NREP: variants seen among roughly 807,000 people sequenced by gnomAD.
NREP encodes the protein neuronal regeneration related protein.
NREP carries 5 observed loss-of-function variants against 8.6 expected under a neutral mutation model. The observed-to-expected ratio is 0.58, with a 90% CI of 0.30 to 1.22. The LOEUF (loss-of-function observed/expected upper bound fraction) is 1.22, where lower values mean the gene tolerates loss of function less well. Ranked by LOEUF, NREP falls within the 50% of genes most tolerant of loss-of-function variation. NREP has a pLI of 0.07. For synonymous variants in NREP, 27 were observed against 28.0 expected, an observed-to-expected ratio of 0.96 and a Z score of 0.11; for missense variants, 86 against 82.5, an observed-to-expected ratio of 1.04 and a Z score of -0.17.
chr5:111,758,211 C>T (rs948838777), upstream of NREP: 1 of 985,566 alleles, frequency 1.0e-6, no homozygotes, highest in Non-Finnish European at 1.2e-6. Flanking sequence ...GGTCCTGTGG[C>T]TGCGCGTGCA....
intron 2 of NREP, among the ~76,000 whole-genome samples, chr5:111,829,488 G>A (rs1034314550): frequency 6.6e-6 from 1 of 152,102 alleles, no homozygotes; most frequent in Non-Finnish European, 1.5e-5. Flanking sequence ...TGACACTTCT[G>A]GCTTCTTCCC....
chr5:111,730,528 GA>G lies in NREP; in HGVS notation c.*392del, dbSNP rs1229497896. Reference sequence around the variant, plus strand: ...ACTACTAGGTTTGTTACATCTAAATGAAAAAAAAGGTGGGGGGGGGACTCTC... The same window carrying G: ...ACTACTAGGTTTGTTACATCTAAATGAAAAAAAGGTGGGGGGGGGACTCTC... On this transcript the variant is annotated 3_prime_UTR_variant, in exon 4 of 4. Transcript: ENST00000257435. The G allele has an allele frequency of 2.7e-3, 315 of 115,680 alleles. No homozygotes were observed. The highest frequency in any genetic ancestry group is 0.011 in the African/African-American group (284 of 26,906). The allele number at this position is 115,680 out of a possible 1,614,324, so 7.2% of individuals were successfully genotyped here. A position where few individuals can be genotyped will look rare whatever the true frequency, so the allele number is the denominator to read the frequency against.
chr5:111,828,959 T>A (rs1420988630), intron 2 of NREP, among the ~76,000 whole-genome samples: 2 of 152,080 alleles, frequency 1.3e-5, no homozygotes, highest in Admixed American at 1.3e-4. Context: ...TACTATGGGA[T>A]CACAGCCTGT....
intron 2 of NREP, among the ~76,000 whole-genome samples, chr5:111,963,940 T>G (rs563685094): frequency 2.4e-4 from 37 of 152,372 alleles, no homozygotes; most frequent in African/African-American, 8.7e-4. Context: ...AATACCAATG[T>G]GCACATAGAA....
chr5:111,899,014 G>A (rs936808229), intron 2 of NREP, among the ~76,000 whole-genome samples: 8 of 151,950 alleles, frequency 5.3e-5, no homozygotes, highest in African/African-American at 9.7e-5. Context: ...AAAAATGAAG[G>A]AAAAATAAAG....
At chr5:111,747,089 A>G (rs1750055269) in intron 2 of NREP, among the ~76,000 whole-genome samples, 2 of 152,150 alleles carry the variant, frequency 1.3e-5, no homozygotes, top group South Asian at 4.1e-4. Context: ...TTTCACTAGG[A>G]TGACTGAGTG....
chr5:111,777,580 G>C (rs780878947), intron 2 of NREP, among the ~76,000 whole-genome samples: 8 of 152,034 alleles, frequency 5.3e-5, no homozygotes, highest in Non-Finnish European at 1.2e-4. Context: ...CAATGCTTCA[G>C]TGTAGTTGCA....
At chr5:111,777,747 T>C (rs1423186228) in intron 2 of NREP, among the ~76,000 whole-genome samples, 1 of 152,070 alleles carries the variant, frequency 6.6e-6, no homozygotes, top group Non-Finnish European at 1.5e-5. Flanking sequence ...CTGGCAAAGT[T>C]CTAGAAATTA....
chr5:111,902,075 C>T (rs1754659710), intron 2 of NREP, among the ~76,000 whole-genome samples: 1 of 152,104 alleles, frequency 6.6e-6, no homozygotes, highest in Admixed American at 6.6e-5. Context: ...GTAACCAAAA[C>T]AGCATAGTAC....
chr5:111,927,325 G>A (rs1317651857), intron 2 of NREP, among the ~76,000 whole-genome samples: 1 of 152,048 alleles, frequency 6.6e-6, no homozygotes, highest in Non-Finnish European at 1.5e-5. Flanking sequence ...ACTCAAAATG[G>A]GAAAATTTCC....
At chr5:111,930,423 C>G (rs1755505158) in intron 2 of NREP, among the ~76,000 whole-genome samples, 1 of 152,112 alleles carries the variant, frequency 6.6e-6, no homozygotes, top group Non-Finnish European at 1.5e-5. Context: ...TCTATCAACA[C>G]TGGATATTGT....
upstream of NREP, among the ~76,000 whole-genome samples, chr5:111,758,743 T>C (rs1750879305): frequency 6.6e-6 from 1 of 152,392 alleles, no homozygotes; most frequent in Non-Finnish European, 1.5e-5. Flanking sequence ...TCTGATGTTT[T>C]AGATTTAACA....
Position 111,730,825 on chromosome 5 carries a change from A to C in NREP, c.*96T>G. ...GCTCAGAGTCCCATAGTTTCTTCTT[A>C]TACTTGATGATTTACACAGAAAAAA... On this transcript the variant is annotated 3_prime_UTR_variant, in exon 4 of 4. Transcript: ENST00000257435. 1 of 1,386,628 alleles carries C rather than the reference A, an allele frequency of 7.2e-7. No individual in the cohort carries two copies. The highest frequency in any genetic ancestry group is 9.9e-7 in the Non-Finnish European group (1 of 1,008,986). 85.9% of individuals were successfully genotyped at this position (1,386,628 alleles called of 1,614,324 possible).
intron 2 of NREP, among the ~76,000 whole-genome samples, chr5:111,886,559 C>A (rs1754254009): frequency 6.6e-6 from 1 of 151,282 alleles, no homozygotes; most frequent in Admixed American, 6.6e-5. Flanking sequence ...ATAGCAAAGA[C>A]TTGGAACCAA....
chr5:111,825,411 A>AT (rs1249160809), intron 2 of NREP, among the ~76,000 whole-genome samples: 2 of 152,040 alleles, frequency 1.3e-5, no homozygotes, highest in African/African-American at 2.4e-5. Flanking sequence ...TGCTTTTTTC[A>AT]TTTTAACTCC....
At chr5:111,763,847 C>A (rs528476869) in intron 2 of NREP, among the ~76,000 whole-genome samples, 1 of 152,320 alleles carries the variant, frequency 6.6e-6, no homozygotes, top group East Asian at 1.9e-4. Flanking sequence ...TGTTTGTTCC[C>A]CCTGGAAGAA....
rs1425479497 is a variant in NREP at position 111,934,715 on chromosome 5, A to G, written c.135+40559T>C. Reference sequence around the variant, plus strand: ...TTAAGCAATGAGTTGCTCAATACCCATTATCTGAGGCCCAACACAGGATTA... The same window carrying G: ...TTAAGCAATGAGTTGCTCAATACCCGTTATCTGAGGCCCAACACAGGATTA... On this transcript the variant is annotated intron_variant, in intron 2 of 3. Transcript: ENST00000395634. 8.5e-5 allele frequency among the ~76,000 whole-genome samples: 13 copies of G among 152,170 alleles called. No individual in the cohort carries two copies. The East Asian group carries it at 2.1e-3, about 25-fold the overall frequency.
intron 2 of NREP, among the ~76,000 whole-genome samples, chr5:111,924,650 G>T (rs1398589695): frequency 6.6e-6 from 1 of 152,098 alleles, no homozygotes; most frequent in East Asian, 1.9e-4. Context: ...GTGTTGCAGG[G>T]GCTACTGCAG....
intron 2 of NREP, among the ~76,000 whole-genome samples, chr5:111,770,182 T>G (rs1356904315): frequency 6.6e-6 from 1 of 152,220 alleles, no homozygotes; most frequent in African/African-American, 2.4e-5. Flanking sequence ...TTTCAATTTT[T>G]ATAACCCCAA....
Sources: allele counts gnomAD v4.1 joint callset (sites outside exome capture counted in the v4.1 genomes callset), GRCh38; gene constraint gnomAD v4.1.1; transcripts MANE v1.5; gene names NCBI Gene and HGNC (gene_info 2026-07-23, HGNC 2026-07-21).